The following CKS2 variants were observed in gnomAD, a reference collection of about 807,000 sequenced individuals.
The protein encoded by CKS2 is CDC28 protein kinase regulatory subunit 2.
CKS2 carries 4 observed loss-of-function variants against 14.3 expected under a neutral mutation model. The ratio of observed to expected loss-of-function variants is 0.28; its 90% confidence interval spans 0.14 to 0.64. CKS2 has a LOEUF of 0.64. CKS2 is among the 30% of genes least tolerant of loss of function. CKS2 has a pLI of 0.83. For synonymous variants in CKS2, 33 were observed against 28.7 expected (o/e 1.15, Z -0.48); for missense variants, 71 against 94.3 (o/e 0.75, Z 1.02).
intron 2 of CKS2, 53 bp downstream of exon 2, chr9:89,315,350 A>T: frequency 7.1e-7 from 1 of 1,411,370 alleles, no homozygotes; most frequent in South Asian, 1.6e-5. Context: ...ATTGGTGGTT[A>T]TGGTTGTCAA....
At position 89,316,567 on chromosome 9, in the gene CKS2, A is replaced by G; in HGVS notation, c.*142A>G. The G allele has an allele frequency of 3.9e-6, 2 of 506,722 alleles. No individual in the cohort carries two copies. The highest frequency in any genetic ancestry group is 7.3e-5 in the South Asian group (2 of 27,476). 31.4% of individuals were successfully genotyped at this position (506,722 alleles called of 1,614,324 possible). A position where few individuals can be genotyped will look rare whatever the true frequency, so the allele number is the denominator to read the frequency against. ...TGTATTCTTCACAGCAACAGAGCTC[A>G]GTTAAATGCAACTGCAAGTAGGTTA... On this transcript the variant is annotated 3_prime_UTR_variant, in exon 3 of 3. Transcript: ENST00000314355.
At chr9:89,311,534 T>C (rs1174353533) in intron 1 of CKS2, among the ~76,000 whole-genome samples, 183 bp downstream of exon 1, 2 of 152,106 alleles carry the variant, frequency 1.3e-5, no homozygotes, top group African/African-American at 4.8e-5. Context: ...CGGACATGGT[T>C]GGGTGCCTGG....
Position 89,311,357 on chromosome 9 carries a change from C to A in CKS2, c.59+6C>A. 1 of 1,600,702 alleles carries A rather than the reference C, an allele frequency of 6.2e-7. No individual in the cohort carries two copies. Among genetic ancestry groups the A allele is most frequent in the Non-Finnish European group, 8.5e-7 (1 of 1,175,026 alleles). On this transcript the variant is annotated splice_donor_region_variant and intron_variant, in intron 1 of 2. Coordinates refer to ENST00000314355, the MANE Select transcript of CKS2 (RefSeq NM_001827.3). ...GACGAACACTACGAGTACCGGTGGG[C>A]GCCTTTCTTAGACCCCGAGCCGGCT...
Position 89,315,279 on chromosome 9 carries a change from T to C in CKS2, c.169T>C (p.Tyr57His), listed in dbSNP as rs1172824706. The C allele has an allele frequency of 6.2e-7, 1 of 1,603,560 alleles. No homozygotes were observed. The highest frequency in any genetic ancestry group is 8.5e-7 in the Non-Finnish European group (1 of 1,174,202). Reference sequence around the variant, plus strand: ...CCAACAGAGTCTAGGCTGGGTTCATTACATGATTCATGAGCCAGGTAAGCT... The same window carrying C: ...CCAACAGAGTCTAGGCTGGGTTCATCACATGATTCATGAGCCAGGTAAGCT... ...GVQQSLGWVHYMIHEPEPHIL... is the reference protein window; with the variant it reads ...GVQQSLGWVHHMIHEPEPHIL... The change falls in exon 2 of 3, where the codon TAC (tyrosine) becomes CAC (histidine). Residue 57 changes from tyrosine (Y) to histidine (H), a missense_variant. Physicochemically the swap from Tyr to His is moderately conservative, Grantham distance 83 (BLOSUM62 2). Coordinates refer to ENST00000314355, the MANE Select transcript of CKS2 (RefSeq NM_001827.3).
At chr9:89,312,271 T>A (rs1021326358) in intron 1 of CKS2, 1 of 154,146 alleles carries the variant, frequency 6.5e-6, no homozygotes, top group East Asian at 1.9e-4. Flanking sequence ...TTAAAGTAGA[T>A]TGGGGGAAAG....
intron 2 of CKS2, 108 bp downstream of exon 2, chr9:89,315,405 T>TTGGTG: frequency 2.0e-6 from 2 of 1,023,986 alleles, no homozygotes; most frequent in Non-Finnish European, 2.6e-6. Flanking sequence ...TGAAAGTAAC[T>TTGGTG]GTTCTGATAA....
Sources: gnomAD v4.1 joint callset for allele counts (sites outside exome capture counted in the v4.1 genomes callset) on GRCh38, gnomAD v4.1.1 for gene constraint, MANE v1.5 for transcripts, NCBI Gene and HGNC (gene_info 2026-07-23, HGNC 2026-07-21) for gene names.